Variants in ATAD2B observed in about 807,000 individuals in gnomAD.
ATAD2B encodes the protein ATPase family AAA domain containing 2B, also known as ATPase family AAA domain-containing protein 2B.
ATAD2B carries 40 observed loss-of-function variants against 167.6 expected under a neutral mutation model. That is an observed-to-expected ratio of 0.24 (90% confidence interval 0.19 to 0.31). ATAD2B has a LOEUF of 0.31. Among genes scored for constraint, ATAD2B ranks in the 10% least tolerant of loss-of-function variants. The pLI is 1.00. For synonymous variants in ATAD2B, 579 were observed against 596.5 expected (o/e 0.97, Z 0.43); for missense variants, 1,242 against 1,757.2 (o/e 0.71, Z 5.24).
At chr2:23,850,317 T>C (rs964520075) in intron 13 of ATAD2B, among the ~76,000 whole-genome samples, 4 of 152,108 alleles carry the variant, frequency 2.6e-5, no homozygotes, top group South Asian at 2.1e-4. Context: ...ACAAGAGGAA[T>C]TGGAAATTAT....
the ATAD2B span, among the ~76,000 whole-genome samples, chr2:23,725,445 C>T: frequency 2.0e-5 from 3 of 152,086 alleles, no homozygotes; most frequent in African/African-American, 7.2e-5. Context: ...ATATTTGTGG[C>T]TATTGGAAGC....
chr2:23,844,462 A>G (rs926511287), intron 13 of ATAD2B, among the ~76,000 whole-genome samples: 6 of 152,258 alleles, frequency 3.9e-5, no homozygotes, highest in African/African-American at 9.6e-5. Context: ...AGAAAAATCA[A>G]TAAAATAAAA....
chr2:23,743,169 A>G, the ATAD2B span, among the ~76,000 whole-genome samples: 1 of 151,990 alleles, frequency 6.6e-6, no homozygotes, highest in East Asian at 1.9e-4. Context: ...ACTATGCAAG[A>G]CCTTGGTGTA....
At chr2:23,747,517 T>C (rs1019115256), downstream of ATAD2B, among the ~76,000 whole-genome samples, 2 of 151,942 alleles carry the variant, frequency 1.3e-5, no homozygotes, top group African/African-American at 2.4e-5. Flanking sequence ...GAAGAGCAAA[T>C]ATAATGCCAA....
At chr2:23,691,970 T>G in the ATAD2B span, 2 of 1,244,896 alleles carry the variant, frequency 1.6e-6, no homozygotes, top group South Asian at 2.7e-5. Context: ...GAGGTCTGTG[T>G]GTGCACACCT....
intron 13 of ATAD2B, among the ~76,000 whole-genome samples, chr2:23,855,356 T>G (rs1693226885): frequency 6.6e-6 from 1 of 152,194 alleles, no homozygotes; most frequent in African/African-American, 2.4e-5. Context: ...ATATTAAAGC[T>G]TAATATTATT....
chr2:23,840,819 A>G (rs1690773727), intron 13 of ATAD2B, among the ~76,000 whole-genome samples: 1 of 152,172 alleles, frequency 6.6e-6, no homozygotes, highest in African/African-American at 2.4e-5. Context: ...TCTCTCCCAC[A>G]ATGATGATCA....
At chr2:23,905,694 A>AGT (rs1701386580) in intron 1 of ATAD2B, among the ~76,000 whole-genome samples, 1 of 152,236 alleles carries the variant, frequency 6.6e-6, no homozygotes, top group African/African-American at 2.4e-5. Flanking sequence ...ACTGCCTCAC[A>AGT]GTAGATACAA....
At chr2:23,863,589 A>ATATTATCATCAC in intron 11 of ATAD2B, 34 bp from the exon 12 acceptor site, 1 of 1,516,874 alleles carries the variant, frequency 6.6e-7, no homozygotes. Context: ...AGTGTAAATT[A>ATATTATCATCAC]TATTATCATC....
At chr2:23,792,115 T>C (rs1051290696) in intron 19 of ATAD2B, among the ~76,000 whole-genome samples, 11 of 151,194 alleles carry the variant, frequency 7.3e-5, no homozygotes, top group Admixed American at 6.6e-4. Context: ...CAGGCTGGAG[T>C]GCAGTGGTGC....
intron 1 of ATAD2B, among the ~76,000 whole-genome samples, chr2:23,903,847 T>C (rs1701126475): frequency 6.6e-6 from 1 of 152,112 alleles, no homozygotes; most frequent in Non-Finnish European, 1.5e-5. Flanking sequence ...AGAAGAAATT[T>C]AGTCCAGAAA....
intron 16 of ATAD2B, among the ~76,000 whole-genome samples, chr2:23,820,942 C>T (rs1687354150): frequency 6.6e-6 from 1 of 151,978 alleles, no homozygotes; most frequent in Admixed American, 6.6e-5. Context: ...GAGCCAGACT[C>T]CGTCTCAAAA....
chr2:23,904,585 G>GA (rs1701257380), intron 1 of ATAD2B, among the ~76,000 whole-genome samples: 1 of 139,596 alleles, frequency 7.2e-6, no homozygotes, highest in South Asian at 2.2e-4. Flanking sequence ...GCTTCTTATA[G>GA]AAAAAAGGGA....
the ATAD2B span, among the ~76,000 whole-genome samples, chr2:23,683,739 T>C: frequency 6.6e-6 from 1 of 152,150 alleles, no homozygotes. Flanking sequence ...CCTGAGAGAC[T>C]CAACTGGGAC....
At position 23,749,707 on chromosome 2, in the gene ATAD2B, A is replaced by G. The variant is rs980251673; in HGVS notation, c.*2339T>C. 5 of 152,066 alleles carry G rather than the reference A, an allele frequency of 3.3e-5. No individual in the cohort carries two copies. Among genetic ancestry groups the G allele is most frequent in the African/African-American group, 9.7e-5 (4 of 41,418 alleles). 9.4% of individuals were successfully genotyped at this position (152,066 alleles called of 1,614,324 possible). A position where few individuals can be genotyped will look rare whatever the true frequency, so the allele number is the denominator to read the frequency against. On this transcript the variant is annotated 3_prime_UTR_variant, in exon 28 of 28. Transcript: ENST00000238789. ...GGTTGCCTCCAATTTCTCCATCTAC[A>G]TTACGGTTAAAAAAACAAACAAACA...
intron 13 of ATAD2B, among the ~76,000 whole-genome samples, chr2:23,854,190 A>G (rs1392267112): frequency 6.6e-6 from 1 of 152,066 alleles, no homozygotes; most frequent in African/African-American, 2.4e-5. Context: ...GGCTACAGTG[A>G]GCTGAGATCG....
intron 19 of ATAD2B, among the ~76,000 whole-genome samples, chr2:23,792,950 G>A (rs892824264): frequency 4.1e-5 from 4 of 97,934 alleles, no homozygotes; most frequent in South Asian, 7.6e-4. Flanking sequence ...GCAACAGCGA[G>A]AGACTCTGTC....
At chr2:23,907,571 C>G (rs1041205300) in intron 1 of ATAD2B, among the ~76,000 whole-genome samples, 1 of 152,148 alleles carries the variant, frequency 6.6e-6, no homozygotes, top group African/African-American at 2.4e-5. Context: ...TCAATGCCAT[C>G]CCTATCAAGC....
the ATAD2B span, chr2:23,696,576 A>T: frequency 2.3e-6 from 3 of 1,312,162 alleles, no homozygotes; most frequent in Non-Finnish European, 3.1e-6. This position sits in a 1 kb window ranked among gnomAD's most constrained non-coding sequence, Gnocchi z 5.5. Flanking sequence ...AAATCACGTC[A>T]CTCACTGTAC....
Sources: gnomAD v4.1 joint callset for allele counts (sites outside exome capture counted in the v4.1 genomes callset) on GRCh38, gnomAD v4.1.1 for gene constraint, Gnocchi (gnomAD v3.1) non-coding constraint, MANE v1.5 for transcripts, NCBI Gene and HGNC (gene_info 2026-07-23, HGNC 2026-07-21) for gene names.